The following NDNF variants were observed in gnomAD, a reference collection of about 807,000 sequenced individuals.
NDNF encodes neuron derived neurotrophic factor.
NDNF carries 16 observed loss-of-function variants against 42.0 expected under a neutral mutation model. That is an observed-to-expected ratio of 0.38 (90% CI 0.26 to 0.58). NDNF has a LOEUF of 0.58. NDNF is among the 20% of genes least tolerant of loss of function. The pLI, the probability that NDNF is intolerant of heterozygous loss-of-function variation, is 0.67. For synonymous variants in NDNF, 248 were observed against 251.7 expected (o/e 0.99, Z 0.14); for missense variants, 616 against 666.2 (o/e 0.92, Z 0.83).
chr4:121,037,131 G>A lies in NDNF; in HGVS notation c.840C>T (p.Val280=). The A allele has an allele frequency of 6.2e-7, 1 of 1,613,996 alleles. No homozygotes were observed. Among genetic ancestry groups the A allele is most frequent in the Non-Finnish European group, 8.5e-7 (1 of 1,180,024 alleles). ...GAATATCAACCTTGGGCCTGGAGTA[G>A]ACATGACGCCCCAGTTTTGGAGAAG... ...AKPSPKLGRH[V]YSRPKVDIQK... Residue 280 remains valine, a synonymous_variant, in exon 4 of 4, where the codon GTC becomes GTT. Coordinates refer to ENST00000379692, the MANE Select transcript of NDNF (RefSeq NM_024574.4).
intron 2 of NDNF, among the ~76,000 whole-genome samples, chr4:121,043,586 T>A (rs1727040634): frequency 6.6e-6 from 1 of 152,180 alleles, no homozygotes; most frequent in Non-Finnish European, 1.5e-5. Context: ...TGTCTCTTAA[T>A]AAAAACATGG....
At chr4:121,054,134 CA>C (rs1242130468) in intron 1 of NDNF, among the ~76,000 whole-genome samples, 1 of 152,014 alleles carries the variant, frequency 6.6e-6, no homozygotes, top group Non-Finnish European at 1.5e-5. Context: ...CTTAGGATAC[CA>C]AAACCTAAAT....
intron 3 of NDNF, among the ~76,000 whole-genome samples, chr4:121,039,192 GTATATATATATATATATA>G (rs57613027): frequency 1.9e-4 from 4 of 21,558 alleles, no homozygotes; most frequent in East Asian, 2.2e-3. Context: ...GTGTGTGTGT[GTATATATATATATATATA>G]TATATATATA....
chr4:121,067,816 A>C (rs745938956), intron 1 of NDNF, among the ~76,000 whole-genome samples: 5 of 152,240 alleles, frequency 3.3e-5, no homozygotes, highest in Non-Finnish European at 7.3e-5. Context: ...ATTTCAAAAG[A>C]CTAAAATTCA....
intron 1 of NDNF, among the ~76,000 whole-genome samples, chr4:121,048,841 G>GA (rs923652214): frequency 1.9e-4 from 28 of 150,496 alleles, no homozygotes; most frequent in Admixed American, 4.0e-4. Flanking sequence ...CTCAAAAAAA[G>GA]AAAAAAAAAT....
chr4:121,060,671 A>C (rs549661983), intron 1 of NDNF, among the ~76,000 whole-genome samples: 36 of 152,324 alleles, frequency 2.4e-4, no homozygotes, highest in African/African-American at 8.4e-4. Flanking sequence ...GAGATCAAGA[A>C]GAAACCATTT....
chr4:121,053,084 A>T (rs1226268564), intron 1 of NDNF, among the ~76,000 whole-genome samples: 1 of 152,204 alleles, frequency 6.6e-6, no homozygotes, highest in Non-Finnish European at 1.5e-5. Flanking sequence ...CTCTAAATGC[A>T]GGCTGTCAGT....
intron 1 of NDNF, among the ~76,000 whole-genome samples, chr4:121,058,068 T>C (rs1043479630): frequency 1.3e-5 from 2 of 152,216 alleles, no homozygotes; most frequent in Non-Finnish European, 2.9e-5. Flanking sequence ...TTCATGGGGC[T>C]TATATAACAC....
chr4:121,042,508 T>C (rs1727015396), intron 2 of NDNF, among the ~76,000 whole-genome samples: 1 of 152,176 alleles, frequency 6.6e-6, no homozygotes, highest in Non-Finnish European at 1.5e-5. Flanking sequence ...CTAGACAAAA[T>C]AGATGATTGA....
At position 121,036,192 on chromosome 4, in the gene NDNF, A is replaced by G; in HGVS notation, c.*72T>C. On this transcript the variant is annotated 3_prime_UTR_variant, in exon 4 of 4. Coordinates refer to ENST00000379692, the MANE Select transcript of NDNF (RefSeq NM_024574.4). The stretch of plus-strand genomic sequence containing the variant: ...CACAACTTCTCTCAACTGTGGGAGT[A>G]GTCAGTTTATACTTAAAGTGATTTA... The G allele has an allele frequency of 8.2e-7, 1 of 1,213,034 alleles. No individual in the cohort carries two copies. Among genetic ancestry groups the G allele is most frequent in the East Asian group, 2.3e-5 (1 of 42,904 alleles). The allele number at this position is 1,213,034 out of a possible 1,614,324, so 75.1% of individuals were successfully genotyped here.
chr4:121,050,023 TA>T, intron 1 of NDNF, among the ~76,000 whole-genome samples: 1 of 152,200 alleles, frequency 6.6e-6, no homozygotes, highest in Admixed American at 6.5e-5. Flanking sequence ...TTGGTCAGGT[TA>T]CAGGCAGAAG....
chr4:121,067,358 G>T (rs1409699043), intron 1 of NDNF, among the ~76,000 whole-genome samples: 1 of 152,012 alleles, frequency 6.6e-6, no homozygotes, highest in African/African-American at 2.4e-5. Flanking sequence ...AAATACTTCA[G>T]AGAAATATAT....
At chr4:121,062,226 AT>A (rs956091010) in intron 1 of NDNF, among the ~76,000 whole-genome samples, 3 of 152,248 alleles carry the variant, frequency 2.0e-5, no homozygotes, top group African/African-American at 7.2e-5. Flanking sequence ...ATTTTAAAAA[AT>A]AATCTCAAAA....
intron 1 of NDNF, among the ~76,000 whole-genome samples, chr4:121,062,106 G>A (rs1362907550): frequency 2.0e-5 from 3 of 152,150 alleles, no homozygotes; most frequent in African/African-American, 7.2e-5. Context: ...GATATGTGAA[G>A]GAGTTTCAGC....
intron 1 of NDNF, among the ~76,000 whole-genome samples, chr4:121,054,267 T>C (rs1727248497): frequency 6.6e-6 from 1 of 152,202 alleles, no homozygotes. Context: ...TTAGAATCTA[T>C]TTATGGGGCA....
At chr4:121,054,884 C>T (rs1356772127) in intron 1 of NDNF, among the ~76,000 whole-genome samples, 1 of 152,198 alleles carries the variant, frequency 6.6e-6, no homozygotes, top group Non-Finnish European at 1.5e-5. Context: ...GGCTGGAGTG[C>T]AGTGGTGCAA....
At chr4:121,054,261 A>G (rs1727248353) in intron 1 of NDNF, among the ~76,000 whole-genome samples, 1 of 152,216 alleles carries the variant, frequency 6.6e-6, no homozygotes, top group Admixed American at 6.5e-5. Flanking sequence ...AGGAACTTAG[A>G]ATCTATTTAT....
chr4:121,069,967 T>C (rs1256134054), intron 1 of NDNF, among the ~76,000 whole-genome samples: 1 of 152,220 alleles, frequency 6.6e-6, no homozygotes, highest in Non-Finnish European at 1.5e-5. Context: ...TTTTTTAAAC[T>C]TTAAGAAGAC....
Position 121,037,264 on chromosome 4 carries a change from G to A in NDNF, c.707C>T (p.Ala236Val). The A allele has an allele frequency of 1.2e-6, 2 of 1,614,130 alleles. No individual in the cohort carries two copies. The highest frequency in any genetic ancestry group is 1.7e-6 in the Non-Finnish European group (2 of 1,180,022). Residue 236 changes from alanine to valine, a missense_variant, in exon 4 of 4, where the codon GCT becomes GTT. By Grantham distance (64) the Ala-to-Val change is moderately conservative. Transcript: ENST00000379692. The part of the protein sequence containing the change: ...AVEAKLSADD[A>V]FMMAPKPGLD... ...ACCAGGTTTCGGTGCCATCATAAAA[G>A]CATCATCTGCACTCAGTTTTGCTTC...
Sources: gnomAD v4.1 joint callset for allele counts (sites outside exome capture counted in the v4.1 genomes callset) on GRCh38, gnomAD v4.1.1 for gene constraint, MANE v1.5 for transcripts, NCBI Gene and HGNC (gene_info 2026-07-23, HGNC 2026-07-21) for gene names.